LRRC37A2: variants seen among roughly 807,000 people sequenced by gnomAD.
The protein encoded by LRRC37A2 is leucine-rich repeat-containing protein 37A2.
LRRC37A2 carries 9 observed loss-of-function variants against 68.8 expected under a neutral mutation model. That is an observed-to-expected ratio of 0.13 (90% CI 0.08 to 0.23). The LOEUF is 0.23. Among genes scored for constraint, LRRC37A2 ranks in the 10% least tolerant of loss-of-function variants. LRRC37A2 has a pLI of 1.00. For synonymous variants in LRRC37A2, 63 were observed against 367.6 expected (o/e 0.17, Z 9.48); for missense variants, 168 against 950.4 (o/e 0.18, Z 10.82).
chr17:46,994,522 TG>T, the LRRC37A2 span, among the ~76,000 whole-genome samples: 1 of 152,098 alleles, frequency 6.6e-6, no homozygotes. Flanking sequence ...GCTAGCTACT[TG>T]GGTGTGTTTA....
the LRRC37A2 span, among the ~76,000 whole-genome samples, chr17:46,730,134 A>G: frequency 4.6e-5 from 7 of 152,100 alleles, no homozygotes; most frequent in African/African-American, 1.7e-4. Flanking sequence ...GATTCCTCCA[A>G]TGTTTTCATA....
At chr17:46,717,456 T>G in the LRRC37A2 span, among the ~76,000 whole-genome samples, 1 of 152,180 alleles carries the variant, frequency 6.6e-6, no homozygotes, top group Non-Finnish European at 1.5e-5. Context: ...TTCACGCCTG[T>G]AATCCCAGCA....
At chr17:46,855,279 T>C in the LRRC37A2 span, among the ~76,000 whole-genome samples, 4 of 152,350 alleles carry the variant, frequency 2.6e-5, no homozygotes, top group South Asian at 2.1e-4. Context: ...TTTTAGACTC[T>C]CTTGGCTGTA....
the LRRC37A2 span, among the ~76,000 whole-genome samples, chr17:46,813,709 T>C: frequency 6.6e-6 from 1 of 152,188 alleles, no homozygotes; most frequent in South Asian, 2.1e-4. Flanking sequence ...TAAGTCACCT[T>C]TCCTGTGCCA....
At chr17:46,884,426 G>A in the LRRC37A2 span, among the ~76,000 whole-genome samples, 1 of 152,200 alleles carries the variant, frequency 6.6e-6, no homozygotes, top group South Asian at 2.1e-4. Flanking sequence ...GCGTGAGGGG[G>A]CACACAGGAG....
the LRRC37A2 span, among the ~76,000 whole-genome samples, chr17:46,807,996 G>A: frequency 4.6e-5 from 7 of 152,186 alleles, no homozygotes; most frequent in Non-Finnish European, 8.8e-5. Flanking sequence ...AATTGGACTA[G>A]GGCAAGAAAG....
the LRRC37A2 span, among the ~76,000 whole-genome samples, chr17:46,758,669 A>G: frequency 3.9e-5 from 6 of 152,176 alleles, no homozygotes; most frequent in Non-Finnish European, 7.3e-5. Context: ...AGTCAGAAAT[A>G]TGTTTTTACT....
the LRRC37A2 span, among the ~76,000 whole-genome samples, chr17:46,839,920 CTT>C: frequency 2.6e-5 from 2 of 75,882 alleles, no homozygotes; most frequent in Non-Finnish European, 5.5e-5. Flanking sequence ...TCTTTTCTTT[CTT>C]TCTTTCTTTC....
chr17:46,762,523 T>A, the LRRC37A2 span: 2 of 151,908 alleles, frequency 1.3e-5, no homozygotes. Context: ...TTTGTTTACC[T>A]TCTCTTTAAT....
the LRRC37A2 span, among the ~76,000 whole-genome samples, chr17:46,809,081 G>T: frequency 6.6e-6 from 1 of 152,200 alleles, no homozygotes; most frequent in Non-Finnish European, 1.5e-5. Flanking sequence ...AACAAGCAAA[G>T]AGGTGAGTAT....
the LRRC37A2 span, among the ~76,000 whole-genome samples, chr17:46,956,277 CTTTTTTTTTTTTTT>C: frequency 9.6e-5 from 6 of 62,628 alleles, no homozygotes; most frequent in African/African-American, 3.7e-4. Context: ...CTTGCCAGTC[CTTTTTTTTTTTTTT>C]TTTTTTTTTT....
the LRRC37A2 span, among the ~76,000 whole-genome samples, chr17:46,781,406 C>G: frequency 6.7e-6 from 1 of 149,160 alleles, no homozygotes; most frequent in Middle Eastern, 3.4e-3. Context: ...GAGTAAGACT[C>G]TGTCTCAAAA....
the LRRC37A2 span, among the ~76,000 whole-genome samples, chr17:46,771,381 C>G: frequency 6.6e-6 from 1 of 151,678 alleles, no homozygotes; most frequent in Non-Finnish European, 1.5e-5. Flanking sequence ...GAAGAGGGGC[C>G]GAGGGCGGGT....
the LRRC37A2 span, among the ~76,000 whole-genome samples, chr17:46,498,907 A>G: frequency 6.6e-6 from 1 of 150,878 alleles, no homozygotes; most frequent in African/African-American, 2.5e-5. Flanking sequence ...ATATATATAC[A>G]TATATATGTA....
the LRRC37A2 span, among the ~76,000 whole-genome samples, chr17:46,757,868 C>T: frequency 6.6e-5 from 10 of 151,990 alleles, no homozygotes; most frequent in African/African-American, 2.4e-4. Context: ...GTGGCACATG[C>T]CTATAATCCC....
the LRRC37A2 span, among the ~76,000 whole-genome samples, chr17:46,865,964 G>T: frequency 2.6e-5 from 4 of 152,288 alleles, no homozygotes; most frequent in Middle Eastern, 3.4e-3. Flanking sequence ...GTTAATAGAG[G>T]TATAAATGAA....
the LRRC37A2 span, chr17:46,936,181 C>T: frequency 1.0e-6 from 1 of 985,580 alleles, no homozygotes; most frequent in Non-Finnish European, 1.2e-6. Context: ...TGAGAGCCAC[C>T]TGCAGTGACC....
At chr17:46,842,128 A>G in the LRRC37A2 span, among the ~76,000 whole-genome samples, 1 of 152,050 alleles carries the variant, frequency 6.6e-6, no homozygotes, top group East Asian at 1.9e-4. Context: ...TTCCCACTCT[A>G]TGCTCTGGGA....
At chr17:46,821,816 C>T in the LRRC37A2 span, among the ~76,000 whole-genome samples, 2 of 152,324 alleles carry the variant, frequency 1.3e-5, no homozygotes, top group East Asian at 1.9e-4. Context: ...TCCCCCGGGG[C>T]TCAGAGTCTG....
Sources: allele counts gnomAD v4.1 joint callset (sites outside exome capture counted in the v4.1 genomes callset), GRCh38; gene constraint gnomAD v4.1.1; transcripts MANE v1.5; gene names NCBI Gene and HGNC (gene_info 2026-07-23, HGNC 2026-07-21).